RANBP2: variants seen among roughly 807,000 people sequenced by gnomAD.
RANBP2 encodes RAN binding protein 2, also known as E3 SUMO-protein ligase RanBP2.
In RANBP2, 57 loss-of-function variants were observed where a neutral mutation model predicts 303.6. The observed-to-expected ratio is 0.19, with a 90% CI of 0.15 to 0.23. RANBP2 has a LOEUF of 0.23. Among genes scored for constraint, RANBP2 ranks in the 10% least tolerant of loss-of-function variants. The probability of loss-of-function intolerance (pLI) is 1.00; values close to 1 mark genes in which losing one functional copy is unlikely to be tolerated. For missense variants in RANBP2, 3,138 were observed against 3,780.8 expected, an observed-to-expected ratio of 0.83 and a Z score of 4.46; for synonymous variants, 1,167 against 1,301.5, an observed-to-expected ratio of 0.90 and a Z score of 2.23.
chr2:109,150,061 C>T, the RANBP2 span, among the ~76,000 whole-genome samples: 5 of 152,310 alleles, frequency 3.3e-5, no homozygotes, highest in East Asian at 1.9e-4. Context: ...TCAGATTCAA[C>T]GGTCCCCAGG....
At chr2:108,994,606 A>G in the RANBP2 span, among the ~76,000 whole-genome samples, 2 of 152,122 alleles carry the variant, frequency 1.3e-5, no homozygotes, top group Non-Finnish European at 2.9e-5. Context: ...TGAAATATTG[A>G]TATCTTCATT....
chr2:109,266,269 T>C, the RANBP2 span, among the ~76,000 whole-genome samples: 2 of 151,586 alleles, frequency 1.3e-5, no homozygotes, highest in African/African-American at 4.9e-5. Context: ...TGTGCGTGCA[T>C]GTGTTATTTG....
At chr2:109,693,012 A>C in the RANBP2 span, among the ~76,000 whole-genome samples, 1 of 151,752 alleles carries the variant, frequency 6.6e-6, no homozygotes, top group African/African-American at 2.4e-5. Flanking sequence ...GCCCTTTTGG[A>C]ATTCAGGCAC....
the RANBP2 span, among the ~76,000 whole-genome samples, chr2:109,267,190 T>C: frequency 6.6e-6 from 1 of 151,998 alleles, no homozygotes; most frequent in African/African-American, 2.4e-5. Context: ...TGTGCTTAGG[T>C]TTCGTCATAT....
chr2:108,884,126 C>G, the RANBP2 span: 1 of 152,650 alleles, frequency 6.6e-6, no homozygotes. Flanking sequence ...TGGTCTTGAA[C>G]TCCAGGGCTC....
the RANBP2 span, among the ~76,000 whole-genome samples, chr2:109,377,294 G>A: frequency 6.6e-6 from 1 of 152,206 alleles, no homozygotes; most frequent in African/African-American, 2.4e-5. Context: ...GGGAGATGCT[G>A]GAGCACGTGG....
At chr2:109,152,423 G>C in the RANBP2 span, among the ~76,000 whole-genome samples, 20 of 152,288 alleles carry the variant, frequency 1.3e-4, no homozygotes, top group South Asian at 8.3e-4. Flanking sequence ...TCTGGGCTCC[G>C]ATCTCAAGTT....
At chr2:108,987,117 A>T in the RANBP2 span, among the ~76,000 whole-genome samples, 1 of 152,212 alleles carries the variant, frequency 6.6e-6, no homozygotes, top group Non-Finnish European at 1.5e-5. Flanking sequence ...CTGTCTGCCA[A>T]ACACCATCCT....
the RANBP2 span, among the ~76,000 whole-genome samples, chr2:109,579,529 G>A: frequency 2.0e-5 from 3 of 151,814 alleles, no homozygotes; most frequent in East Asian, 2.0e-4. Context: ...GATTACAGGC[G>A]CCTGCCACCA....
At chr2:109,722,544 G>A in the RANBP2 span, among the ~76,000 whole-genome samples, 2 of 152,160 alleles carry the variant, frequency 1.3e-5, no homozygotes, top group African/African-American at 4.8e-5. Context: ...ATAGATAAAC[G>A]TGTGCCATGG....
At chr2:109,327,986 G>A in the RANBP2 span, among the ~76,000 whole-genome samples, 1 of 152,218 alleles carries the variant, frequency 6.6e-6, no homozygotes. Context: ...ATCAGCAGCT[G>A]TCAACATGGT....
At chr2:109,376,135 G>C in the RANBP2 span, among the ~76,000 whole-genome samples, 1 of 152,236 alleles carries the variant, frequency 6.6e-6, no homozygotes. Flanking sequence ...AGTGAAAGCT[G>C]CTCCTCGGTC....
At chr2:109,348,080 T>G in the RANBP2 span, 1 of 1,277,036 alleles carries the variant, frequency 7.8e-7, no homozygotes, top group Non-Finnish European at 1.1e-6. Context: ...CCCGGAACCC[T>G]GGGCAAATGA....
chr2:109,684,920 C>T, the RANBP2 span, among the ~76,000 whole-genome samples: 11 of 150,284 alleles, frequency 7.3e-5, no homozygotes, highest in East Asian at 2.2e-3. Flanking sequence ...GTCACCCAGG[C>T]TGGAGTGCAG....
chr2:109,221,605 G>A, the RANBP2 span, among the ~76,000 whole-genome samples: 1 of 149,430 alleles, frequency 6.7e-6, no homozygotes, highest in South Asian at 2.1e-4. Flanking sequence ...AAAAAAAAGT[G>A]TGCATCTTCC....
the RANBP2 span, among the ~76,000 whole-genome samples, chr2:109,424,651 GTTAC>G: frequency 6.6e-6 from 1 of 152,060 alleles, no homozygotes; most frequent in South Asian, 2.1e-4. Flanking sequence ...GATTTTTGGC[GTTAC>G]TGTTATGGAG....
the RANBP2 span, among the ~76,000 whole-genome samples, chr2:109,365,011 ACT>A: frequency 1.3e-5 from 2 of 152,046 alleles, no homozygotes; most frequent in Non-Finnish European, 2.9e-5. Flanking sequence ...GGATCGTGAG[ACT>A]CTGTCTCAAA....
At chr2:109,374,985 G>A in the RANBP2 span, among the ~76,000 whole-genome samples, 3 of 152,242 alleles carry the variant, frequency 2.0e-5, no homozygotes, top group Non-Finnish European at 2.9e-5. Context: ...TGAGCTGAAG[G>A]GCACACACCT....
At chr2:109,398,354 T>C in the RANBP2 span, among the ~76,000 whole-genome samples, 3 of 152,190 alleles carry the variant, frequency 2.0e-5, no homozygotes, top group African/African-American at 7.2e-5. Context: ...AAAACTCTTC[T>C]TTCTCTATGA....
Sources: gnomAD v4.1 joint callset for allele counts (sites outside exome capture counted in the v4.1 genomes callset) on GRCh38, gnomAD v4.1.1 for gene constraint, MANE v1.5 for transcripts, NCBI Gene and HGNC (gene_info 2026-07-23, HGNC 2026-07-21) for gene names.